Variants in CNMD observed in about 807,000 individuals in gnomAD.
CNMD encodes chondromodulin, also known as leukocyte cell-derived chemotaxin 1.
CNMD carries 30 observed loss-of-function variants against 37.5 expected under a neutral mutation model. That is an observed-to-expected ratio of 0.80 (90% CI 0.60 to 1.09). CNMD has a LOEUF of 1.09. Ranked by LOEUF, CNMD falls within the 50% of genes least tolerant of loss-of-function variation. The probability of loss-of-function intolerance (pLI) is 0.00; values close to 1 mark genes in which losing one functional copy is unlikely to be tolerated. For synonymous variants in CNMD, 167 were observed against 148.2 expected (o/e 1.13, Z -0.92); for missense variants, 398 against 423.9 (o/e 0.94, Z 0.54).
At chr13:52,714,038 G>A (rs1039928773) in intron 4 of CNMD, among the ~76,000 whole-genome samples, 3 of 152,146 alleles carry the variant, frequency 2.0e-5, no homozygotes, top group African/African-American at 4.8e-5. Flanking sequence ...CAGGGTGCCC[G>A]GGTGACCCAG....
Position 52,706,658 on chromosome 13 carries a change from G to A in CNMD, c.789+1878C>T, listed in dbSNP as rs144327829. On this transcript the variant is annotated intron_variant, in intron 6 of 6. Coordinates refer to ENST00000377962, the MANE Select transcript of CNMD (RefSeq NM_007015.3). ...AGTCATTAAATGAATGAGGTACTAT[G>A]TAGGAAAACAATCTCCAAAATATTG... 4.4e-3 allele frequency among the ~76,000 whole-genome samples: 677 copies of A among 152,190 alleles called. 4 individuals are homozygous for A. The highest frequency in any genetic ancestry group is 0.015 in the African/African-American group (639 of 41,538).
chr13:52,705,648 T>C (rs1964161799), intron 6 of CNMD, among the ~76,000 whole-genome samples: 1 of 152,216 alleles, frequency 6.6e-6, no homozygotes, highest in South Asian at 2.1e-4. Flanking sequence ...GTTGTTACCC[T>C]AAGATATGTT....
intron 3 of CNMD, among the ~76,000 whole-genome samples, chr13:52,728,805 C>G (rs763863455): frequency 2.6e-5 from 4 of 152,128 alleles, no homozygotes; most frequent in Non-Finnish European, 5.9e-5. Flanking sequence ...TTGGTTCTGA[C>G]AGTCGACACA....
At chr13:52,708,470 C>G in intron 6 of CNMD, 66 bp downstream of exon 6, 1 of 1,447,638 alleles carries the variant, frequency 6.9e-7, no homozygotes, top group Non-Finnish European at 9.4e-7. Flanking sequence ...CGTAAGCCAC[C>G]ACGCCCGGCC....
chr13:52,704,243 C>A lies in CNMD; in HGVS notation c.790-433G>T, dbSNP rs566876791. ...GTAATAGCTTCCAGGGCTCTAGAAGCACTTTTTGAAACTCATCAATCTAGG... is the reference window on the plus strand; with the variant it reads ...GTAATAGCTTCCAGGGCTCTAGAAGAACTTTTTGAAACTCATCAATCTAGG... On this transcript the variant is annotated intron_variant, in intron 6 of 6. Coordinates refer to ENST00000377962, the MANE Select transcript of CNMD (RefSeq NM_007015.3). 3.5e-4 allele frequency among the ~76,000 whole-genome samples: 54 copies of A among 152,332 alleles called. No individual in the cohort carries two copies. In the South Asian group the frequency reaches 5.8e-3, roughly 16 times the overall value.
At chr13:52,728,528 C>T (rs1225346097) in intron 3 of CNMD, among the ~76,000 whole-genome samples, 1 of 152,158 alleles carries the variant, frequency 6.6e-6, no homozygotes, top group Non-Finnish European at 1.5e-5. Context: ...GAGGAATACA[C>T]GTGGAGAATA....
chr13:52,730,169 T>C (rs1964640968), intron 3 of CNMD, among the ~76,000 whole-genome samples: 1 of 152,144 alleles, frequency 6.6e-6, no homozygotes, highest in Non-Finnish European at 1.5e-5. Flanking sequence ...TTTTTATGGC[T>C]GCATAGTATT....
rs755604455 is a variant in CNMD at position 52,739,642 on chromosome 13, G to A, written c.60C>T (p.Phe20=). 11 of 1,614,016 alleles carry A rather than the reference G, an allele frequency of 6.8e-6. No individual in the cohort carries two copies. The highest frequency in any genetic ancestry group is 2.7e-5 in the African/African-American group (2 of 74,940). The change falls in exon 1 of 7, where the codon TTC becomes TTT. Residue 20 remains phenylalanine, a synonymous_variant. Transcript: ENST00000377962. This position sits in a 1 kb window ranked among gnomAD's most constrained non-coding sequence, Gnocchi z 5.4. ...TGGCGGTACTCACCGGGGGGCTGCA[G>A]AATTCCACGTCATCAGGTCCCACCA... The part of the protein sequence containing the change: ...IALVGPDDVE[F]CSPPAYATLT...
Position 52,739,593 on chromosome 13 carries a change from C to A in CNMD, c.72+37G>T. On this transcript the variant is annotated intron_variant, in intron 1 of 6. Coordinates refer to ENST00000377962, the MANE Select transcript of CNMD (RefSeq NM_007015.3). This position sits in a 1 kb window ranked among gnomAD's most constrained non-coding sequence, Gnocchi z 5.4. ...ACTGTGGAACCTGATACTCACACAA[C>A]CCAGGCCCTGCGTGTGGAATCCCTG... 1 of 1,581,246 alleles carries A rather than the reference C, an allele frequency of 6.3e-7. No homozygotes were observed. Among genetic ancestry groups the A allele is most frequent in the Non-Finnish European group, 8.7e-7 (1 of 1,150,118 alleles).
intron 3 of CNMD, among the ~76,000 whole-genome samples, chr13:52,726,597 C>G (rs1040701352): frequency 1.3e-5 from 2 of 150,174 alleles, no homozygotes; most frequent in African/African-American, 4.9e-5. Context: ...CACCAAAAGT[C>G]CACACCTATG....
chr13:52,715,892 A>G (rs1003735544), intron 4 of CNMD, among the ~76,000 whole-genome samples: 3 of 152,130 alleles, frequency 2.0e-5, no homozygotes, highest in Admixed American at 6.5e-5. Context: ...GGGTCAAATG[A>G]TATTTCTGGT....
intron 2 of CNMD, among the ~76,000 whole-genome samples, chr13:52,737,064 G>A (rs893643103): frequency 4.6e-5 from 7 of 152,108 alleles, no homozygotes; most frequent in African/African-American, 1.7e-4. Context: ...AATTACAGCT[G>A]GTTCTCCTCT....
At chr13:52,708,723 T>A in intron 5 of CNMD, 21 bp from the exon 6 acceptor site, 1 of 1,557,146 alleles carries the variant, frequency 6.4e-7, no homozygotes, top group Non-Finnish European at 8.7e-7. Flanking sequence ...TTCTGTAAAT[T>A]AATCCCTTTA....
chr13:52,725,486 G>A (rs9536259), intron 3 of CNMD, among the ~76,000 whole-genome samples: 6,150 of 152,044 alleles, frequency 0.04, 144 homozygotes, highest in South Asian at 0.063. Flanking sequence ...TCTGCCTAGG[G>A]ACTGCCTCAA....
At chr13:52,733,620 T>C in intron 2 of CNMD, 1 of 515,786 alleles carries the variant, frequency 1.9e-6, no homozygotes, top group Non-Finnish European at 3.6e-6. Context: ...CAATGCTGGC[T>C]GTACTTTAGA....
chr13:52,732,249 A>T (rs1159422335), intron 3 of CNMD, among the ~76,000 whole-genome samples: 1 of 152,198 alleles, frequency 6.6e-6, no homozygotes, highest in Non-Finnish European at 1.5e-5. Context: ...GGCTTTTTTC[A>T]TTATGAAGTT....
Position 52,739,256 on chromosome 13 carries a change from C to A in CNMD, c.73-85G>T. On this transcript the variant is annotated intron_variant, in intron 1 of 6. Transcript: ENST00000377962. This position sits in a 1 kb window ranked among gnomAD's most constrained non-coding sequence, Gnocchi z 5.4. Reference sequence around the variant, plus strand: ...AGCGCACCCGGGCCCCACGCGGTAGCCCCCAGGGAGTGGGGAGTCGGGCGG... The same window carrying A: ...AGCGCACCCGGGCCCCACGCGGTAGACCCCAGGGAGTGGGGAGTCGGGCGG... The A allele has an allele frequency of 7.2e-7, 1 of 1,383,392 alleles. No individual in the cohort carries two copies. The highest frequency in any genetic ancestry group is 2.9e-5 in the East Asian group (1 of 34,498). The allele number at this position is 1,383,392 out of a possible 1,614,324, so 85.7% of individuals were successfully genotyped here.
intron 3 of CNMD, among the ~76,000 whole-genome samples, chr13:52,724,739 A>G (rs1373088358): frequency 4.0e-5 from 6 of 151,336 alleles, no homozygotes; most frequent in Non-Finnish European, 7.4e-5. Flanking sequence ...TCTACTAAAA[A>G]TACAAAAATT....
intron 3 of CNMD, among the ~76,000 whole-genome samples, chr13:52,728,919 T>C (rs1964619070): frequency 6.6e-6 from 1 of 152,130 alleles, no homozygotes; most frequent in African/African-American, 2.4e-5. Context: ...CAGCCAGATA[T>C]ATTAAGAGAT....
Sources: allele counts gnomAD v4.1 joint callset (sites outside exome capture counted in the v4.1 genomes callset), GRCh38; gene constraint gnomAD v4.1.1; non-coding constraint Gnocchi (gnomAD v3.1); transcripts MANE v1.5; gene names NCBI Gene and HGNC (gene_info 2026-07-23, HGNC 2026-07-21).